LDLRAD4: variants seen among roughly 807,000 people sequenced by gnomAD.
LDLRAD4 encodes low-density lipoprotein receptor class A domain-containing protein 4.
A neutral mutation model predicts 17.0 loss-of-function variants in LDLRAD4; 5 were observed. The ratio of observed to expected loss-of-function variants is 0.29; its 90% confidence interval spans 0.15 to 0.62. LDLRAD4 has a LOEUF of 0.62. LDLRAD4 is among the 20% of genes least tolerant of loss of function. The probability of loss-of-function intolerance (pLI) is 0.84; values close to 1 mark genes in which losing one functional copy is unlikely to be tolerated. For synonymous variants in LDLRAD4, 168 were observed against 171.8 expected, an observed-to-expected ratio of 0.98 and a Z score of 0.17; for missense variants, 340 against 424.7, an observed-to-expected ratio of 0.80 and a Z score of 1.75.
chr18:13,245,273 A>G (rs1390591408), intron 1 of LDLRAD4, among the ~76,000 whole-genome samples: 1 of 152,170 alleles, frequency 6.6e-6, no homozygotes, highest in Non-Finnish European at 1.5e-5. Context: ...CTTATTCAGT[A>G]TCAGAAATAA....
chr18:13,574,172 TCTCA>T (rs2094733552), intron 3 of LDLRAD4, among the ~76,000 whole-genome samples: 1 of 152,212 alleles, frequency 6.6e-6, no homozygotes, highest in Non-Finnish European at 1.5e-5. Context: ...CAAAAGCCCA[TCTCA>T]CTATTATCAA....
At chr18:13,290,431 T>G (rs1369439630) in intron 1 of LDLRAD4, among the ~76,000 whole-genome samples, 1 of 152,230 alleles carries the variant, frequency 6.6e-6, no homozygotes, top group Non-Finnish European at 1.5e-5. Flanking sequence ...AAAATGATCC[T>G]GAACCATAGA....
chr18:13,375,984 A>T (rs1278616760), intron 1 of LDLRAD4, among the ~76,000 whole-genome samples: 2 of 152,184 alleles, frequency 1.3e-5, no homozygotes, highest in African/African-American at 2.4e-5. Context: ...GCAGTGGCCC[A>T]GATTATCTTG....
intron 3 of LDLRAD4, among the ~76,000 whole-genome samples, chr18:13,503,512 A>AG (rs1257028068): frequency 6.6e-6 from 1 of 152,196 alleles, no homozygotes; most frequent in African/African-American, 2.4e-5. Context: ...ATTATCAAGT[A>AG]GGGGAAACAG....
intron 3 of LDLRAD4, chr18:13,613,407 T>C (rs2039786226): frequency 6.6e-6 from 1 of 152,156 alleles, no homozygotes; most frequent in Non-Finnish European, 1.5e-5. Context: ...AAATTAATAA[T>C]GTGGAGGTGG....
At chr18:13,278,810 A>G (rs2045058178) in intron 1 of LDLRAD4, among the ~76,000 whole-genome samples, 1 of 152,150 alleles carries the variant, frequency 6.6e-6, no homozygotes, top group African/African-American at 2.4e-5. Flanking sequence ...TTCAGGGTCT[A>G]GAACAGTGCC....
At chr18:13,651,202 T>TAA (rs1568465060) in exon 6 of LDLRAD4, 1 of 152,212 alleles carries the variant, frequency 6.6e-6, no homozygotes, top group African/African-American at 2.4e-5. Flanking sequence ...GTCAGAGGAA[T>TAA]AAGTAAATCA....
intron 3 of LDLRAD4, among the ~76,000 whole-genome samples, chr18:13,506,110 G>A (rs1425087603): frequency 2.0e-5 from 3 of 152,110 alleles, no homozygotes; most frequent in South Asian, 4.1e-4. Context: ...CCTCCAGGCC[G>A]TCTTTGTCCC....
In LDLRAD4 at chr18:13,259,992, G is replaced by T. The variant is rs551030101; in HGVS notation, c.-466-18113G>T. On this transcript the variant is annotated intron_variant, in intron 1 of 5. Transcript: ENST00000399848. Reference sequence around the variant, plus strand: ...GGGCTGTGTGGTCTGTCCAGCCTCGGTTCCCTGTCTTTAAGATGCATGTAA... The same window carrying T: ...GGGCTGTGTGGTCTGTCCAGCCTCGTTTCCCTGTCTTTAAGATGCATGTAA... 7.2e-5 allele frequency among the ~76,000 whole-genome samples: 11 copies of T among 152,330 alleles called. No individual in the cohort carries two copies. In the South Asian group the frequency reaches 2.3e-3, roughly 32 times the overall value.
intron 3 of LDLRAD4, among the ~76,000 whole-genome samples, chr18:13,558,171 T>C (rs1390785645): frequency 6.6e-6 from 1 of 152,186 alleles, no homozygotes; most frequent in African/African-American, 2.4e-5. Context: ...TTCTTACCCT[T>C]GTGCAAAAAT....
intron 1 of LDLRAD4, among the ~76,000 whole-genome samples, chr18:13,366,596 G>GA (rs2084072416): frequency 6.6e-6 from 1 of 152,150 alleles, no homozygotes; most frequent in Non-Finnish European, 1.5e-5. Context: ...AACTTCAGCA[G>GA]AAAAAAATCC....
At chr18:13,488,727 C>A (rs908373311) in intron 3 of LDLRAD4, 1 of 152,328 alleles carries the variant, frequency 6.6e-6, no homozygotes, top group African/African-American at 2.4e-5. Context: ...ACGTGGGGCA[C>A]ACACACCCAG....
intron 5 of LDLRAD4, chr18:13,644,909 C>T (rs993608253): frequency 3.1e-5 from 17 of 551,380 alleles, no homozygotes; most frequent in Admixed American, 6.8e-5. Flanking sequence ...CTCCTGGATG[C>T]GCTGGGATTT....
chr18:13,643,440 CGGGGGGCGGGGGG>C, intron 5 of LDLRAD4, 28 bp downstream of exon 6: 1 of 132,522 alleles, frequency 7.5e-6, no homozygotes, highest in Non-Finnish European at 1.2e-5. Context: ...GTGATGGCTG[CGGGGGGCGGGGGG>C]GGTGGGTGGG....
intron 1 of LDLRAD4, among the ~76,000 whole-genome samples, chr18:13,336,232 G>A (rs1023632192): frequency 6.6e-6 from 1 of 152,094 alleles, no homozygotes; most frequent in African/African-American, 2.4e-5. Context: ...GGCTCGGAGG[G>A]GTTAAATATC....
chr18:13,614,849 C>T (rs2039925938), intron 3 of LDLRAD4: 1 of 152,210 alleles, frequency 6.6e-6, no homozygotes, highest in South Asian at 2.1e-4. Context: ...AAGAGTAAGA[C>T]ACCCCTAAGA....
At chr18:13,557,361 G>T (rs1202009555) in intron 3 of LDLRAD4, among the ~76,000 whole-genome samples, 1 of 151,980 alleles carries the variant, frequency 6.6e-6, no homozygotes, top group African/African-American at 2.4e-5. Context: ...ACCTAAACTT[G>T]ACCTTCTCAA....
At chr18:13,627,974 T>A (rs188901962) in intron 4 of LDLRAD4, among the ~76,000 whole-genome samples, 1 of 152,242 alleles carries the variant, frequency 6.6e-6, no homozygotes, top group East Asian at 1.9e-4. Context: ...CTGGGCAGTG[T>A]CCCTCTACCC....
chr18:13,427,899 T>A (rs954334276), intron 2 of LDLRAD4, among the ~76,000 whole-genome samples: 3 of 152,056 alleles, frequency 2.0e-5, no homozygotes, highest in Non-Finnish European at 4.4e-5. Context: ...CTAGAGAAAA[T>A]TTTCTTCACC....
Sources: gnomAD v4.1 joint callset for allele counts (sites outside exome capture counted in the v4.1 genomes callset) on GRCh38, gnomAD v4.1.1 for gene constraint, MANE v1.5 for transcripts, NCBI Gene and HGNC (gene_info 2026-07-23, HGNC 2026-07-21) for gene names.